Variants in HECW1 observed in about 807,000 individuals in gnomAD.
HECW1 encodes the protein HECT, C2 and WW domain containing E3 ubiquitin protein ligase 1.
A neutral mutation model predicts 182.3 loss-of-function variants in HECW1; 61 were observed. The ratio of observed to expected loss-of-function variants is 0.33; its 90% CI spans 0.27 to 0.41. The LOEUF (loss-of-function observed/expected upper bound fraction) is 0.41. Ranked by LOEUF, HECW1 falls within the 10% of genes least tolerant of loss-of-function variation. The pLI is 1.00. For synonymous variants in HECW1, 859 were observed against 832.6 expected, an observed-to-expected ratio of 1.03 and a Z score of -0.55; for missense variants, 1,739 against 2,108.9, an observed-to-expected ratio of 0.82 and a Z score of 3.44.
chr7:43,407,807 C>T (rs367660376), intron 8 of HECW1, 76 bp downstream of exon 8: 1 of 1,326,966 alleles, frequency 7.5e-7, no homozygotes, highest in Admixed American at 2.1e-5. Flanking sequence ...TCCTCCTTCC[C>T]TCCATTCATG....
intron 3 of HECW1, among the ~76,000 whole-genome samples, chr7:43,277,289 G>T (rs917699340): frequency 6.6e-6 from 1 of 152,006 alleles, no homozygotes; most frequent in Non-Finnish European, 1.5e-5. Flanking sequence ...GCCACCTGCC[G>T]CCATGACGCT....
chr7:43,376,268 A>C (rs894826677), intron 6 of HECW1, among the ~76,000 whole-genome samples: 1 of 152,134 alleles, frequency 6.6e-6, no homozygotes, highest in African/African-American at 2.4e-5. Flanking sequence ...AAACAGAAGA[A>C]AAATGTCACC....
At chr7:43,385,970 C>A (rs1301513246) in intron 6 of HECW1, among the ~76,000 whole-genome samples, 1 of 152,200 alleles carries the variant, frequency 6.6e-6, no homozygotes, top group Non-Finnish European at 1.5e-5. Context: ...GAAAAGCCTA[C>A]TTTCAAGCTC....
intron 3 of HECW1, among the ~76,000 whole-genome samples, chr7:43,302,682 G>C (rs1806992243): frequency 2.0e-5 from 3 of 152,158 alleles, no homozygotes; most frequent in Non-Finnish European, 4.4e-5. Context: ...TGGTCCGCAG[G>C]GCTCCTGGAG....
intron 8 of HECW1, among the ~76,000 whole-genome samples, chr7:43,431,354 T>C (rs935647611): frequency 1.3e-5 from 2 of 152,160 alleles, no homozygotes; most frequent in African/African-American, 2.4e-5. Flanking sequence ...CCTCTCTGCA[T>C]TCCTAGCTAT....
chr7:43,221,895 A>C (rs1325663754), intron 2 of HECW1, among the ~76,000 whole-genome samples: 1 of 152,126 alleles, frequency 6.6e-6, no homozygotes, highest in Non-Finnish European at 1.5e-5. Flanking sequence ...CATAGGTTGC[A>C]ATGCCAAATG....
chr7:43,457,061 G>A (rs976229092), intron 13 of HECW1, among the ~76,000 whole-genome samples: 1 of 152,172 alleles, frequency 6.6e-6, no homozygotes, highest in Non-Finnish European at 1.5e-5. Flanking sequence ...GAATTATTTT[G>A]TTGAAAAACT....
chr7:43,301,507 C>G (rs916090422), intron 3 of HECW1, among the ~76,000 whole-genome samples: 33 of 152,198 alleles, frequency 2.2e-4, no homozygotes, highest in African/African-American at 7.7e-4. Flanking sequence ...CTCTCTGTAT[C>G]CATACTCAGC....
At chr7:43,460,273 T>C (rs1276562566) in intron 13 of HECW1, among the ~76,000 whole-genome samples, 2 of 152,244 alleles carry the variant, frequency 1.3e-5, no homozygotes, top group Non-Finnish European at 2.9e-5. Context: ...AGCTACAGCT[T>C]CACTTCCATC....
At chr7:43,508,375 G>A (rs2079685976) in intron 23 of HECW1, among the ~76,000 whole-genome samples, 2 of 152,032 alleles carry the variant, frequency 1.3e-5, no homozygotes, top group African/African-American at 2.4e-5. Flanking sequence ...ACAGTCCCAG[G>A]GCACTGAATC....
intron 3 of HECW1, among the ~76,000 whole-genome samples, chr7:43,272,378 C>T (rs922264119): frequency 6.6e-6 from 1 of 152,114 alleles, no homozygotes; most frequent in African/African-American, 2.4e-5. Context: ...AAGAAACTAT[C>T]AACAGAGTGA....
intron 19 of HECW1, among the ~76,000 whole-genome samples, chr7:43,495,985 G>GT (rs199931013): frequency 0.013 from 1,896 of 151,058 alleles, 39 homozygotes; most frequent in African/African-American, 0.042. Flanking sequence ...ATTAGAAAAG[G>GT]TTTTTTTTTA....
In HECW1 at chr7:43,119,668, G is replaced by A. The variant is rs1449387141; in HGVS notation, c.-32+5277G>A. Among the ~76,000 whole-genome samples the A allele has an allele frequency of 3.3e-5, 5 of 150,368 alleles. No homozygotes were observed. In the East Asian group the frequency reaches 9.9e-4, roughly 30 times the overall value. ...TGGCACGTTAGCTTAAAATTAACAT[G>A]TGCAAAATACAACCCCCGATTTTTG... On this transcript the variant is annotated intron_variant, in intron 2 of 29. Coordinates refer to ENST00000395891, the MANE Select transcript of HECW1 (RefSeq NM_015052.5).
chr7:43,521,301 C>T (rs1003433691), intron 24 of HECW1, among the ~76,000 whole-genome samples: 1 of 152,158 alleles, frequency 6.6e-6, no homozygotes, highest in African/African-American at 2.4e-5. Flanking sequence ...AGTAGCACCA[C>T]CACGATCACC....
chr7:43,311,683 C>A, intron 3 of HECW1, 80 bp from the exon 4 acceptor site: 1 of 1,304,722 alleles, frequency 7.7e-7, no homozygotes, highest in South Asian at 1.2e-5. Flanking sequence ...TCTCCCAGCA[C>A]ATCTTTCGTT....
At chr7:43,186,156 A>G (rs6965372) in intron 2 of HECW1, among the ~76,000 whole-genome samples, 33,918 of 152,128 alleles carry the variant, frequency 0.22, 4,044 homozygotes, top group Middle Eastern at 0.26. Context: ...AAACAGGAGG[A>G]TTCCATTAGA....
At chr7:43,512,204 A>G (rs1033797200) in intron 24 of HECW1, 3 of 223,544 alleles carry the variant, frequency 1.3e-5, no homozygotes, top group South Asian at 3.7e-4. Context: ...AAGGCTTTCT[A>G]TGGGCACAGC....
At chr7:43,463,042 G>T (rs968962165) in intron 13 of HECW1, among the ~76,000 whole-genome samples, 5 of 152,202 alleles carry the variant, frequency 3.3e-5, no homozygotes, top group African/African-American at 1.2e-4. Flanking sequence ...CCAGCACAGA[G>T]CCTGCACACA....
chr7:43,246,231 A>G (rs1799369298), intron 3 of HECW1, among the ~76,000 whole-genome samples: 1 of 152,166 alleles, frequency 6.6e-6, no homozygotes, highest in South Asian at 2.1e-4. Flanking sequence ...TGAGCCCAGG[A>G]GTTCCAGGCT....
Sources: allele counts gnomAD v4.1 joint callset (sites outside exome capture counted in the v4.1 genomes callset), GRCh38; gene constraint gnomAD v4.1.1; transcripts MANE v1.5; gene names NCBI Gene and HGNC (gene_info 2026-07-23, HGNC 2026-07-21).